Variants in KCMF1 observed in about 807,000 individuals in gnomAD.
The protein encoded by KCMF1 is E3 ubiquitin-protein ligase KCMF1.
Under a neutral mutation model 41.1 loss-of-function variants are expected in KCMF1, and 3 were observed. The observed-to-expected ratio is 0.07, with a 90% CI of 0.03 to 0.19. KCMF1 has a LOEUF of 0.19. Ranked by LOEUF, KCMF1 falls within the 10% of genes least tolerant of loss-of-function variation. KCMF1 has a pLI of 1.00. For synonymous variants in KCMF1, 142 were observed against 164.5 expected, an observed-to-expected ratio of 0.86 and a Z score of 1.04; for missense variants, 286 against 488.9, an observed-to-expected ratio of 0.58 and a Z score of 3.91.
At chr2:85,004,001 T>C (rs1317527286) in intron 1 of KCMF1, among the ~76,000 whole-genome samples, 1 of 152,160 alleles carries the variant, frequency 6.6e-6, no homozygotes, top group East Asian at 1.9e-4. Context: ...TATCCTGTTA[T>C]TCATCTGATA....
chr2:85,026,059 C>T (rs375902743), intron 1 of KCMF1, among the ~76,000 whole-genome samples: 7 of 151,984 alleles, frequency 4.6e-5, no homozygotes, highest in Non-Finnish European at 7.4e-5. Context: ...GGCATGATCT[C>T]GGCTCACTGC....
chr2:85,013,138 C>CT (rs2104006780), intron 1 of KCMF1, among the ~76,000 whole-genome samples: 1 of 152,156 alleles, frequency 6.6e-6, no homozygotes, highest in South Asian at 2.1e-4. Flanking sequence ...GGTCTCTATC[C>CT]CTTAGTCTTC....
In KCMF1 at chr2:85,023,045, G is replaced by A. The variant is rs199832963; in HGVS notation, c.17-4844G>A. Among the ~76,000 whole-genome samples, 52 of 151,766 alleles carry A rather than the reference G, an allele frequency of 3.4e-4. No individual in the cohort carries two copies. The East Asian group carries it at 7.8e-3, about 23-fold the overall frequency. ...TGGAACTACAGGCGGCCGCCATCAC[G>A]CCTGGCTAATTTTTTGTATTTTTAG... On this transcript the variant is annotated intron_variant, in intron 1 of 6. Coordinates refer to ENST00000409785, the MANE Select transcript of KCMF1 (RefSeq NM_020122.5).
intron 1 of KCMF1, among the ~76,000 whole-genome samples, chr2:84,979,058 G>A (rs1399749990): frequency 6.6e-6 from 1 of 151,958 alleles, no homozygotes; most frequent in Non-Finnish European, 1.5e-5. Flanking sequence ...ATATTGGCCA[G>A]GCTCGTCTCG....
chr2:85,049,448 A>G lies in KCMF1; in HGVS notation c.684A>G (p.Gln228=). ...NSSGPSASQL[Q]QLQMQLQLER... ...CTGGCCCTTCCGCTTCTCAGTTACA[A>G]CAACTGCAGATGCAGCTGCAGCTAG... Residue 228 remains glutamine (Q), a synonymous_variant, in exon 6 of 7, where the codon CAA becomes CAG. Transcript: ENST00000409785. The G allele has an allele frequency of 1.2e-6, 2 of 1,614,040 alleles. No individual in the cohort carries two copies. Among genetic ancestry groups the G allele is most frequent in the East Asian group, 2.2e-5 (1 of 44,884 alleles).
chr2:85,011,230 G>C (rs568554278), intron 1 of KCMF1, among the ~76,000 whole-genome samples: 1 of 152,158 alleles, frequency 6.6e-6, no homozygotes, highest in East Asian at 1.9e-4. Context: ...GTGTACTTTT[G>C]ATATGTCCCC....
Position 85,054,990 on chromosome 2 carries a change from C to G in KCMF1, c.*1581C>G, listed in dbSNP as rs1448856026. ...ACCCTACATGTCTGAAAAACTGTTG[C>G]TTCTCCTCTGAAACTTCAAACTCCA... On this transcript the variant is annotated 3_prime_UTR_variant, in exon 7 of 7. Coordinates refer to ENST00000409785, the MANE Select transcript of KCMF1 (RefSeq NM_020122.5). The G allele has an allele frequency of 6.6e-6, 1 of 152,204 alleles. No homozygotes were observed. The highest frequency in any genetic ancestry group is 1.5e-5 in the Non-Finnish European group (1 of 68,042). The allele number at this position is 152,204 out of a possible 1,614,324, so 9.4% of individuals were successfully genotyped here. A position where few individuals can be genotyped will look rare whatever the true frequency, so the allele number is the denominator to read the frequency against.
rs1674568326 is a variant in KCMF1 at position 85,008,424 on chromosome 2, T to C, written c.17-19465T>C. 3.2e-5 allele frequency among the ~76,000 whole-genome samples: 3 copies of C among 92,722 alleles called. No individual in the cohort carries two copies. In the Admixed American group the frequency reaches 3.9e-4, roughly 12 times the overall value. 60.8% of individuals were successfully genotyped at this position (92,722 alleles called of 152,430 possible). On this transcript the variant is annotated intron_variant, in intron 1 of 6. Transcript: ENST00000409785. Reference sequence around the variant, plus strand: ...ATATATCATATTATATATTATGTGATATATATGATATATACATCATATATC... The same window carrying C: ...ATATATCATATTATATATTATGTGACATATATGATATATACATCATATATC...
At chr2:85,012,461 C>G (rs149134019) in intron 1 of KCMF1, among the ~76,000 whole-genome samples, 2 of 152,286 alleles carry the variant, frequency 1.3e-5, no homozygotes, top group African/African-American at 4.8e-5. Context: ...AAGCACTATC[C>G]ATTTTCCTCA....
At chr2:84,971,776 C>T (rs2103953034) in intron 1 of KCMF1, among the ~76,000 whole-genome samples, 1 of 150,912 alleles carries the variant, frequency 6.6e-6, no homozygotes, top group South Asian at 2.1e-4. Flanking sequence ...GCTCGGCCTT[C>T]GGGACTGATA....
rs527875048 is a variant in KCMF1, at chr2:85,054,779, G to C, written c.*1370G>C. 1 of 152,068 alleles carries C rather than the reference G, an allele frequency of 6.6e-6. No individual in the cohort carries two copies. The highest frequency in any genetic ancestry group is 2.4e-5 in the African/African-American group (1 of 41,410). The allele number at this position is 152,068 out of a possible 1,614,324, so 9.4% of individuals were successfully genotyped here. On this transcript the variant is annotated 3_prime_UTR_variant, in exon 7 of 7. Transcript: ENST00000409785. ...ACTAGACTTAACCTAATCATGTCTC[G>C]TTCCAGTTCTCTTTTCTCTGAGCCC...
At chr2:85,030,002 C>T (rs1488061576) in intron 2 of KCMF1, among the ~76,000 whole-genome samples, 1 of 152,014 alleles carries the variant, frequency 6.6e-6, no homozygotes. Context: ...AATTTCTTAC[C>T]TAGCCCACAC....
At chr2:85,026,032 C>T (rs907392738) in intron 1 of KCMF1, among the ~76,000 whole-genome samples, 3 of 152,102 alleles carry the variant, frequency 2.0e-5, no homozygotes, top group Non-Finnish European at 4.4e-5. Flanking sequence ...ACTCTGTCGC[C>T]TAGGCTGGAG....
intron 1 of KCMF1, among the ~76,000 whole-genome samples, chr2:85,008,294 A>G (rs1342292979): frequency 1.2e-5 from 1 of 81,442 alleles, no homozygotes; most frequent in East Asian, 5.0e-4. Context: ...TATATAATAT[A>G]TATAATATAT....
intron 1 of KCMF1, among the ~76,000 whole-genome samples, chr2:85,017,964 T>G (rs1266418877): frequency 6.6e-6 from 1 of 152,222 alleles, no homozygotes; most frequent in Non-Finnish European, 1.5e-5. Context: ...AGCTTTCATT[T>G]GTTTTACAGA....
rs1675521115 is a variant in KCMF1 at position 85,041,083 on chromosome 2, A to T, written c.325-2481A>T. 2.0e-5 allele frequency among the ~76,000 whole-genome samples: 3 copies of T among 152,080 alleles called. No individual in the cohort carries two copies. In the South Asian group the frequency reaches 6.2e-4, roughly 32 times the overall value. On this transcript the variant is annotated intron_variant, in intron 3 of 6. Transcript: ENST00000409785. ...CCTAGCCTCTTGATTTTTCTATGCC[A>T]GCTGTCAACCTGGGTGATCCTCCCA...
At chr2:84,981,316 A>G (rs1157456752) in intron 1 of KCMF1, among the ~76,000 whole-genome samples, 2 of 151,762 alleles carry the variant, frequency 1.3e-5, no homozygotes, top group South Asian at 2.1e-4. Flanking sequence ...CAGCCTCCCA[A>G]GTAGCTGGGA....
intron 1 of KCMF1, among the ~76,000 whole-genome samples, chr2:85,027,052 T>C (rs1197376289): frequency 1.3e-5 from 2 of 152,120 alleles, no homozygotes; most frequent in African/African-American, 2.4e-5. Flanking sequence ...TGAGGACTGG[T>C]TTGTGGTTAT....
At chr2:84,994,454 A>G (rs1469126008) in intron 1 of KCMF1, among the ~76,000 whole-genome samples, 1 of 151,888 alleles carries the variant, frequency 6.6e-6, no homozygotes, top group East Asian at 1.9e-4. Flanking sequence ...CCCAGGCTGG[A>G]GTGCAATGGC....
Sources: gnomAD v4.1 joint callset for allele counts (sites outside exome capture counted in the v4.1 genomes callset) on GRCh38, gnomAD v4.1.1 for gene constraint, MANE v1.5 for transcripts, NCBI Gene and HGNC (gene_info 2026-07-23, HGNC 2026-07-21) for gene names.